EIPR1: variants seen among roughly 807,000 people sequenced by gnomAD.
EIPR1 encodes the protein EARP complex and GARP complex interacting protein 1, also known as EARP and GARP complex-interacting protein 1.
EIPR1 carries 25 observed loss-of-function variants against 48.1 expected under a neutral mutation model. That is an observed-to-expected ratio of 0.52 (90% CI 0.38 to 0.73). The LOEUF is 0.73. Ranked by LOEUF, EIPR1 falls within the 30% of genes least tolerant of loss-of-function variation. The pLI, the probability that EIPR1 is intolerant of heterozygous loss-of-function variation, is 0.00. For missense variants in EIPR1, 415 were observed against 506.2 expected (o/e 0.82, Z 1.73); for synonymous variants, 204 against 201.9 (o/e 1.01, Z -0.09).
At chr2:3,273,505 T>C (rs112522718) in intron 3 of EIPR1, among the ~76,000 whole-genome samples, 96 of 146,402 alleles carry the variant, frequency 6.6e-4, no homozygotes, top group African/African-American at 2.5e-3. Context: ...CCAGCTGGCA[T>C]GCATAGAAAA....
chr2:3,291,417 T>C (rs909090120), intron 3 of EIPR1, among the ~76,000 whole-genome samples: 6 of 152,226 alleles, frequency 3.9e-5, no homozygotes, highest in African/African-American at 1.4e-4. Context: ...TAGACTATGC[T>C]GGGTGCTGAA....
At chr2:3,337,652 A>G (rs950717893) in intron 3 of EIPR1, among the ~76,000 whole-genome samples, 11 of 152,184 alleles carry the variant, frequency 7.2e-5, no homozygotes, top group African/African-American at 2.7e-4. Flanking sequence ...ACCAAAGAGC[A>G]CTGGAAGACA....
chr2:3,289,893 T>G (rs1277118090), intron 3 of EIPR1, among the ~76,000 whole-genome samples: 2 of 152,158 alleles, frequency 1.3e-5, no homozygotes. Flanking sequence ...ACGCCTCTCA[T>G]CACGACCACT....
intron 3 of EIPR1, among the ~76,000 whole-genome samples, chr2:3,310,625 C>T (rs903125402): frequency 7.0e-6 from 1 of 142,742 alleles, no homozygotes. Flanking sequence ...TGCACTCCAG[C>T]CTGGGCGACA....
chr2:3,375,641 G>C (rs1482045854), intron 1 of EIPR1, among the ~76,000 whole-genome samples: 3 of 152,160 alleles, frequency 2.0e-5, no homozygotes, highest in Non-Finnish European at 4.4e-5. Context: ...TAGCAGGTAA[G>C]GGGACTCGAG....
chr2:3,372,357 C>A (rs1307421523), intron 1 of EIPR1, among the ~76,000 whole-genome samples: 6 of 150,364 alleles, frequency 4.0e-5, no homozygotes, highest in East Asian at 1.9e-4. Context: ...CAAAAGCTAG[C>A]AGAAGGCAAG....
chr2:3,318,916 C>T, intron 3 of EIPR1: 1 of 471,488 alleles, frequency 2.1e-6, no homozygotes. Context: ...AATCGTGGGA[C>T]TCTGAGCTAC....
chr2:3,282,470 C>T (rs1039757229), intron 3 of EIPR1: 2 of 152,300 alleles, frequency 1.3e-5, no homozygotes, highest in Non-Finnish European at 2.9e-5. Context: ...ATAAACATAC[C>T]CAGATTGCGG....
At chr2:3,348,074 G>T (rs111345677) in intron 2 of EIPR1, among the ~76,000 whole-genome samples, 1 of 152,134 alleles carries the variant, frequency 6.6e-6, no homozygotes, top group Non-Finnish European at 1.5e-5. Context: ...CAGGCGGGGG[G>T]GCTGCAGGAA....
chr2:3,249,914 T>C (rs1005615416), intron 4 of EIPR1, among the ~76,000 whole-genome samples: 2 of 152,178 alleles, frequency 1.3e-5, no homozygotes, highest in South Asian at 2.1e-4. Flanking sequence ...TGTGGGTACA[T>C]AGAATGCAGG....
At chr2:3,291,132 G>A (rs929164310) in intron 3 of EIPR1, among the ~76,000 whole-genome samples, 3 of 152,228 alleles carry the variant, frequency 2.0e-5, no homozygotes, top group African/African-American at 7.2e-5. Context: ...TAGCCCCACA[G>A]CAGCAGGGAT....
At chr2:3,374,462 A>G (rs1468687129) in intron 1 of EIPR1, among the ~76,000 whole-genome samples, 2 of 152,068 alleles carry the variant, frequency 1.3e-5, no homozygotes, top group Non-Finnish European at 2.9e-5. Flanking sequence ...ATGGGAGAAA[A>G]TTTTCACAAC....
intron 3 of EIPR1, among the ~76,000 whole-genome samples, chr2:3,331,339 G>A (rs1370204175): frequency 1.2e-4 from 8 of 65,420 alleles, no homozygotes; most frequent in Non-Finnish European, 2.2e-4. Context: ...ACACTCATGA[G>A]ATGGTGTGAG....
At chr2:3,249,081 T>C (rs1362690256) in intron 4 of EIPR1, among the ~76,000 whole-genome samples, 2 of 152,068 alleles carry the variant, frequency 1.3e-5, no homozygotes, top group Admixed American at 6.5e-5. Flanking sequence ...TGCTTGAAAA[T>C]GTGGAGCAGC....
At chr2:3,240,452 CAGG>C (rs764484632) in intron 4 of EIPR1, among the ~76,000 whole-genome samples, 16 of 149,956 alleles carry the variant, frequency 1.1e-4, no homozygotes, top group African/African-American at 3.9e-4. Flanking sequence ...TAAAGCAAAG[CAGG>C]AGATCCTTCC....
chr2:3,210,788 G>A (rs865927778), intron 5 of EIPR1, among the ~76,000 whole-genome samples: 2 of 151,922 alleles, frequency 1.3e-5, no homozygotes, highest in African/African-American at 4.8e-5. Flanking sequence ...GTGCCACCAC[G>A]CCTGGCTAAT....
chr2:3,304,492 G>C (rs1388448748), intron 3 of EIPR1, among the ~76,000 whole-genome samples: 19 of 7,148 alleles, frequency 2.7e-3, no homozygotes, highest in East Asian at 7.9e-3. Flanking sequence ...CAGCCCTCCA[G>C]TCCCATCAGT....
intron 1 of EIPR1, among the ~76,000 whole-genome samples, chr2:3,356,320 T>C (rs954413488): frequency 3.9e-5 from 6 of 152,174 alleles, no homozygotes; most frequent in Non-Finnish European, 8.8e-5. Context: ...ATCTCAGAAG[T>C]GGCTGGATTT....
At chr2:3,335,205 G>A (rs1670007369) in intron 3 of EIPR1, among the ~76,000 whole-genome samples, 1 of 152,200 alleles carries the variant, frequency 6.6e-6, no homozygotes, top group Non-Finnish European at 1.5e-5. Context: ...ACACACTGTT[G>A]AAGAGGCATG....
Sources: gnomAD v4.1 joint callset for allele counts (sites outside exome capture counted in the v4.1 genomes callset) on GRCh38, gnomAD v4.1.1 for gene constraint, MANE v1.5 for transcripts, NCBI Gene and HGNC (gene_info 2026-07-23, HGNC 2026-07-21) for gene names.